Variants in LRRC4C observed in about 807,000 individuals in gnomAD.
The protein encoded by LRRC4C is leucine-rich repeat-containing protein 4C.
Under a neutral mutation model 33.6 loss-of-function variants are expected in LRRC4C, and 5 were observed. The observed-to-expected ratio is 0.15, with a 90% CI of 0.08 to 0.31. LRRC4C has a LOEUF of 0.31. Among genes scored for constraint, LRRC4C ranks in the 10% least tolerant of loss-of-function variants. The pLI, the probability that LRRC4C is intolerant of heterozygous loss-of-function variation, is 1.00. For missense variants in LRRC4C, 560 were observed against 796.7 expected (o/e 0.70, Z 3.58); for synonymous variants, 329 against 302.0 (o/e 1.09, Z -0.93).
At chr11:41,372,281 A>G (rs1428411822) in intron 1 of LRRC4C, among the ~76,000 whole-genome samples, 2 of 152,378 alleles carry the variant, frequency 1.3e-5, no homozygotes, top group East Asian at 1.9e-4. Context: ...GTAACCACGA[A>G]TGGAAAGAGG....
At chr11:41,089,610 G>A (rs1243122329) in intron 1 of LRRC4C, among the ~76,000 whole-genome samples, 1 of 151,952 alleles carries the variant, frequency 6.6e-6, no homozygotes, top group African/African-American at 2.4e-5. Context: ...AAAAATTGGT[G>A]CATTTTTACA....
intron 1 of LRRC4C, among the ~76,000 whole-genome samples, chr11:41,088,841 A>G (rs1440830614): frequency 6.6e-6 from 1 of 152,072 alleles, no homozygotes; most frequent in Non-Finnish European, 1.5e-5. Context: ...ATACTAATGT[A>G]CATTTATTTG....
chr11:40,819,027 T>C (rs1298058442), intron 2 of LRRC4C, among the ~76,000 whole-genome samples: 2 of 152,018 alleles, frequency 1.3e-5, no homozygotes, highest in Non-Finnish European at 2.9e-5. Context: ...TTAGGAAAAA[T>C]TGATGATTCA....
intron 2 of LRRC4C, among the ~76,000 whole-genome samples, chr11:40,680,212 T>TA (rs1359421809): frequency 6.6e-6 from 1 of 152,210 alleles, no homozygotes; most frequent in Admixed American, 6.5e-5. Flanking sequence ...ATTTACCAAA[T>TA]ACCTGTGTCC....
At chr11:40,183,677 G>T (rs1158906258) in intron 5 of LRRC4C, among the ~76,000 whole-genome samples, 3 of 152,180 alleles carry the variant, frequency 2.0e-5, no homozygotes, top group Non-Finnish European at 4.4e-5. Flanking sequence ...CATTGAAAAG[G>T]TTGAGCTAAC....
At chr11:41,454,268 A>G (rs988761997) in intron 1 of LRRC4C, among the ~76,000 whole-genome samples, 28 of 152,176 alleles carry the variant, frequency 1.8e-4, no homozygotes, top group Admixed American at 1.4e-3. Context: ...CTTGAACAAA[A>G]TAAAGGTCAC....
chr11:40,979,590 G>A (rs995245823), intron 1 of LRRC4C, among the ~76,000 whole-genome samples: 6 of 152,078 alleles, frequency 3.9e-5, no homozygotes, highest in African/African-American at 1.4e-4. Context: ...CTGATTTTAG[G>A]TACCGTCAAT....
chr11:41,104,733 A>T (rs1590599044), intron 1 of LRRC4C, among the ~76,000 whole-genome samples: 2 of 152,126 alleles, frequency 1.3e-5, no homozygotes, highest in East Asian at 3.9e-4. Flanking sequence ...ACTGTTGAAC[A>T]TATGAAAATA....
chr11:40,839,760 G>A (rs372909103), intron 2 of LRRC4C, among the ~76,000 whole-genome samples: 3 of 152,092 alleles, frequency 2.0e-5, no homozygotes, highest in Non-Finnish European at 2.9e-5. Context: ...TGACTTACAG[G>A]GTCACTTACC....
Position 40,731,227 on chromosome 11 carries a change from G to A in LRRC4C, c.-406-82949C>T, listed in dbSNP as rs569251343. On this transcript the variant is annotated intron_variant, in intron 2 of 6. Coordinates refer to ENST00000528697, the MANE Select transcript of LRRC4C (RefSeq NM_001258419.2). Reference sequence around the variant, plus strand: ...CCAGCTACTCGGGAGGCTGAGGCAGGAGAATGGCGTGAACCCGGGAGGCGG... The same window carrying A: ...CCAGCTACTCGGGAGGCTGAGGCAGAAGAATGGCGTGAACCCGGGAGGCGG... Among the ~76,000 whole-genome samples the A allele has an allele frequency of 1.3e-4, 20 of 152,238 alleles. No homozygotes were observed. The East Asian group carries it at 2.5e-3, about 19-fold the overall frequency.
intron 1 of LRRC4C, among the ~76,000 whole-genome samples, chr11:40,939,478 A>AAT (rs34820264): frequency 0.29 from 43,624 of 151,886 alleles, 6,368 homozygotes; most frequent in East Asian, 0.34. Context: ...GAATAGCTTA[A>AAT]AAAGTGAAAA....
rs553030511 is a variant in LRRC4C, at chr11:40,542,711, C to T, written c.-270+105431G>A. Reference sequence around the variant, plus strand: ...TGGTTAGATTTATTCCCATTCATCCCTTCAAGGATGTGTATGGCCCAGACC... The same window carrying T: ...TGGTTAGATTTATTCCCATTCATCCTTTCAAGGATGTGTATGGCCCAGACC... On this transcript the variant is annotated intron_variant, in intron 3 of 6. Transcript: ENST00000528697. Among the ~76,000 whole-genome samples the T allele has an allele frequency of 3.3e-5, 5 of 152,150 alleles. No homozygotes were observed. In the South Asian group the frequency reaches 1.0e-3, roughly 32 times the overall value.
At chr11:40,513,537 A>C (rs888802936) in intron 3 of LRRC4C, among the ~76,000 whole-genome samples, 1 of 152,168 alleles carries the variant, frequency 6.6e-6, no homozygotes, top group Admixed American at 6.5e-5. Flanking sequence ...GAGGTGGATG[A>C]GAGCCTTGCT....
intron 3 of LRRC4C, among the ~76,000 whole-genome samples, chr11:40,548,070 C>T (rs992415605): frequency 2.6e-5 from 4 of 151,572 alleles, no homozygotes; most frequent in East Asian, 1.9e-4. Context: ...TGGATCAAAG[C>T]GGGAAAGAAG....
chr11:40,119,727 G>A (rs977859038), intron 6 of LRRC4C, among the ~76,000 whole-genome samples: 1 of 152,020 alleles, frequency 6.6e-6, no homozygotes, highest in African/African-American at 2.4e-5. Flanking sequence ...TGATCCTAGA[G>A]AGGCTACCCT....
At chr11:40,774,453 A>G (rs1313677564) in intron 2 of LRRC4C, among the ~76,000 whole-genome samples, 1 of 152,190 alleles carries the variant, frequency 6.6e-6, no homozygotes, top group African/African-American at 2.4e-5. Context: ...GGGATAAATT[A>G]ATCTGGAGCT....
At chr11:41,315,172 G>A (rs1053447698) in intron 1 of LRRC4C, among the ~76,000 whole-genome samples, 6 of 152,120 alleles carry the variant, frequency 3.9e-5, no homozygotes, top group Admixed American at 3.3e-4. Flanking sequence ...GATTGTCTGT[G>A]ATCATGAGCA....
intron 3 of LRRC4C, among the ~76,000 whole-genome samples, chr11:40,329,085 C>G (rs1946228610): frequency 6.6e-6 from 1 of 152,106 alleles, no homozygotes; most frequent in Non-Finnish European, 1.5e-5. Context: ...TGCAAATAGA[C>G]CGTGAGTGAG....
At chr11:40,497,955 T>C (rs535405118) in intron 3 of LRRC4C, among the ~76,000 whole-genome samples, 168 of 152,340 alleles carry the variant, frequency 1.1e-3, no homozygotes, top group Non-Finnish European at 2.0e-3. Context: ...TTTCATTTTA[T>C]GGTATAAGAA....
Sources: gnomAD v4.1 joint callset for allele counts (sites outside exome capture counted in the v4.1 genomes callset) on GRCh38, gnomAD v4.1.1 for gene constraint, MANE v1.5 for transcripts, NCBI Gene and HGNC (gene_info 2026-07-23, HGNC 2026-07-21) for gene names.